The following BUD23 variants were observed in gnomAD, a reference collection of about 807,000 sequenced individuals.
The protein encoded by BUD23 is 18S rRNA (guanine-N(7))-methyltransferase.
BUD23 carries 34 observed loss-of-function variants against 47.0 expected under a neutral mutation model. The observed-to-expected ratio is 0.72, with a 90% confidence interval of 0.55 to 0.96. The LOEUF is 0.96. Among genes scored for constraint, BUD23 ranks in the 40% least tolerant of loss-of-function variants. The probability of loss-of-function intolerance (pLI) is 0.00; values close to 1 mark genes in which losing one functional copy is unlikely to be tolerated. For synonymous variants in BUD23, 124 were observed against 132.0 expected (o/e 0.94, Z 0.41); for missense variants, 343 against 361.2 (o/e 0.95, Z 0.41).
rs1584206214 is a variant in BUD23 at position 73,683,598 on chromosome 7, G to A, written c.-28G>A. Reference sequence around the variant, plus strand: ...AAAAACCGGGTGCCGGCAGGCGCCAGTCGCAGGTGTGCTGCTGAGGCGTGA... The same window carrying A: ...AAAAACCGGGTGCCGGCAGGCGCCAATCGCAGGTGTGCTGCTGAGGCGTGA... On this transcript the variant is annotated 5_prime_UTR_variant, in exon 1 of 12. Coordinates refer to ENST00000265758, the MANE Select transcript of BUD23 (RefSeq NM_017528.5). 6 of 1,593,294 alleles carry A rather than the reference G, an allele frequency of 3.8e-6. No individual in the cohort carries two copies. The highest frequency in any genetic ancestry group is 1.3e-5 in the African/African-American group (1 of 74,452).
intron 6 of BUD23, among the ~76,000 whole-genome samples, chr7:73,691,666 C>G (rs12154957): frequency 6.6e-6 from 1 of 152,180 alleles, no homozygotes; most frequent in Admixed American, 6.5e-5. Context: ...ATGGTGTGAT[C>G]GTAGCTCACT....
intron 2 of BUD23, among the ~76,000 whole-genome samples, chr7:73,684,295 C>CT (rs1797851030): frequency 6.6e-6 from 1 of 152,020 alleles, no homozygotes; most frequent in African/African-American, 2.4e-5. Flanking sequence ...AATCGCAGCA[C>CT]TTTGGGAGGC....
Position 73,683,688 on chromosome 7 carries a change from C to T in BUD23, c.48+15C>T, listed in dbSNP as rs782378056. 6.1e-5 allele frequency: 99 copies of T among 1,613,780 alleles called. No homozygotes were observed. Among genetic ancestry groups the T allele is most frequent in the South Asian group, 1.5e-4 (14 of 91,092 alleles). On this transcript the variant is annotated intron_variant, in intron 1 of 11. Coordinates refer to ENST00000265758, the MANE Select transcript of BUD23 (RefSeq NM_017528.5). ...CCCCAGAGCTGGTAAGTCCCGGGGC[C>T]CGCGGACACCCCTCTCCCCACTTCT...
In BUD23 at chr7:73,686,616, T is replaced by C. The variant is rs1364793301; in HGVS notation, c.87-20T>C. ...CCCAGAACTCCTTTACCATGTCCAC[T>C]TGTGTTTCTGCCTTACCAGCTCACG... On this transcript the variant is annotated intron_variant, in intron 2 of 11. Transcript: ENST00000265758. The C allele has an allele frequency of 6.2e-7, 1 of 1,612,366 alleles. No individual in the cohort carries two copies. Among genetic ancestry groups the C allele is most frequent in the African/African-American group, 1.3e-5 (1 of 74,882 alleles).
rs370906291 is a variant in BUD23, at chr7:73,686,609, T to C, written c.87-27T>C. ...GTATTCACCCAGAACTCCTTTACCA[T>C]GTCCACTTGTGTTTCTGCCTTACCA... On this transcript the variant is annotated intron_variant, in intron 2 of 11. Transcript: ENST00000265758. 3 of 1,608,478 alleles carry C rather than the reference T, an allele frequency of 1.9e-6. No individual in the cohort carries two copies. In the Middle Eastern group the frequency reaches 4.9e-4, roughly 265 times the overall value.
Position 73,697,903 on chromosome 7 carries a change from G to C in BUD23, c.*17G>C. The C allele has an allele frequency of 6.2e-7, 1 of 1,610,032 alleles. No individual in the cohort carries two copies. The highest frequency in any genetic ancestry group is 1.7e-4 in the Middle Eastern group (1 of 5,808). ...CGCTTCTAAGTCACCACGCGGTTCT[G>C]GAAAGGCACTTGCCTCTGCACTTTT... On this transcript the variant is annotated 3_prime_UTR_variant, in exon 12 of 12. Transcript: ENST00000265758.
intron 2 of BUD23, 30 bp downstream of exon 2, chr7:73,683,834 C>T: frequency 1.2e-6 from 2 of 1,614,138 alleles, no homozygotes; most frequent in Non-Finnish European, 1.7e-6. Flanking sequence ...TGCGGGGCGT[C>T]CGGGGGTCGG....
At chr7:73,694,084 G>A in intron 10 of BUD23, 34 bp downstream of exon 10, 1 of 1,590,376 alleles carries the variant, frequency 6.3e-7, no homozygotes, top group South Asian at 1.1e-5. Context: ...CCCGGCTGCA[G>A]CGGGGGCTGC....
chr7:73,684,959 A>T (rs1797902178), intron 2 of BUD23, among the ~76,000 whole-genome samples: 1 of 115,142 alleles, frequency 8.7e-6, no homozygotes, highest in Non-Finnish European at 1.9e-5. Context: ...AAAAAAAAAA[A>T]GATACTTTGT....
intron 5 of BUD23, 146 bp from the exon 6 acceptor site, chr7:73,690,770 G>A (rs34535343): frequency 0.055 from 35,518 of 646,430 alleles, 1,260 homozygotes; most frequent in Non-Finnish European, 0.076. Context: ...ACTGTACGTG[G>A]CCTCAACCTG....
rs1141320 is a variant in BUD23 at position 73,698,137 on chromosome 7, G to A, written c.*251G>A. 117,365 of 136,322 alleles carry A rather than the reference G, an allele frequency of 0.86. 50,901 individuals are homozygous for A. The highest frequency in any genetic ancestry group is 0.95 in the Non-Finnish European group (62,790 of 66,218). 8.4% of individuals were successfully genotyped at this position (136,322 alleles called of 1,614,324 possible). ...ATAATGAAACTTCCTTTCCAGGGAG[G>A]AAAAAAAAAAAAAAAAAAAGCTCTG... On this transcript the variant is annotated 3_prime_UTR_variant, in exon 12 of 12. Coordinates refer to ENST00000265758, the MANE Select transcript of BUD23 (RefSeq NM_017528.5).
At chr7:73,686,098 C>CA (rs35703206) in intron 2 of BUD23, among the ~76,000 whole-genome samples, 4,722 of 143,422 alleles carry the variant, frequency 0.033, 121 homozygotes, top group Non-Finnish European at 0.041. Flanking sequence ...GACTCCGTCT[C>CA]AAAAAAAAAA....
chr7:73,692,960 G>A (rs1798250742), intron 7 of BUD23: 1 of 542,020 alleles, frequency 1.8e-6, no homozygotes, highest in African/African-American at 1.9e-5. Context: ...GTTGTGTGAT[G>A]TATAAATTAA....
chr7:73,686,482 A>G (rs538616478), intron 2 of BUD23, among the ~76,000 whole-genome samples, 154 bp from the exon 3 acceptor site: 1 of 152,160 alleles, frequency 6.6e-6, no homozygotes, highest in Non-Finnish European at 1.5e-5. Flanking sequence ...GTTGATCCCA[A>G]CTTAGAAGGG....
At chr7:73,691,418 C>A (rs1336260534) in intron 6 of BUD23, among the ~76,000 whole-genome samples, 1 of 152,160 alleles carries the variant, frequency 6.6e-6, no homozygotes, top group Non-Finnish European at 1.5e-5. Context: ...TGCCCACATC[C>A]TTCTGACTCC....
chr7:73,686,253 G>A (rs1344354304), intron 2 of BUD23, among the ~76,000 whole-genome samples: 4 of 152,228 alleles, frequency 2.6e-5, no homozygotes, highest in Non-Finnish European at 5.9e-5. Context: ...CTAGATGAGA[G>A]AAACTATGGA....
At position 73,683,770 on chromosome 7, in the gene BUD23, T is replaced by C. The variant is rs1224301399; in HGVS notation, c.52T>C (p.Tyr18His). The C allele has an allele frequency of 1.2e-6, 2 of 1,614,032 alleles. No homozygotes were observed. The highest frequency in any genetic ancestry group is 4.5e-5 in the East Asian group (2 of 44,892). ...TGCCATTTTCTCTTTTTCGCAGTTT[T>C]ATGACGAGACAGAAGCCCGGAAATA... The part of the protein sequence containing the change: ...PEHGGPPELF[Y>H]DETEARKYVR... Residue 18 changes from tyrosine to histidine, a missense_variant, in exon 2 of 12, where the codon TAT (tyrosine) becomes CAT (histidine). Coordinates refer to ENST00000265758, the MANE Select transcript of BUD23 (RefSeq NM_017528.5).
At chr7:73,694,083 A>G in intron 10 of BUD23, 33 bp downstream of exon 10, 1 of 1,591,076 alleles carries the variant, frequency 6.3e-7, no homozygotes. Context: ...CCCCGGCTGC[A>G]GCGGGGGCTG....
intron 6 of BUD23, among the ~76,000 whole-genome samples, chr7:73,691,373 C>T (rs1475078537): frequency 1.3e-5 from 2 of 152,124 alleles, no homozygotes; most frequent in African/African-American, 2.4e-5. Flanking sequence ...ACAGAGATGT[C>T]GTGTCCGGAC....
Sources: allele counts gnomAD v4.1 joint callset (sites outside exome capture counted in the v4.1 genomes callset), GRCh38; gene constraint gnomAD v4.1.1; transcripts MANE v1.5; gene names NCBI Gene and HGNC (gene_info 2026-07-23, HGNC 2026-07-21).